ASPH: variants seen among roughly 807,000 people sequenced by gnomAD.
The protein encoded by ASPH is aspartyl/asparaginyl beta-hydroxylase.
Under a neutral mutation model 118.4 loss-of-function variants are expected in ASPH, and 100 were observed. The ratio of observed to expected loss-of-function variants is 0.84; its 90% CI spans 0.72 to 1.00. The LOEUF (loss-of-function observed/expected upper bound fraction) is 1.00, where lower values mean the gene tolerates loss of function less well. Ranked by LOEUF, ASPH falls within the 50% of genes least tolerant of loss-of-function variation. The pLI is 0.00. For missense variants in ASPH, 920 were observed against 919.5 expected, an observed-to-expected ratio of 1.00 and a Z score of -0.01; for synonymous variants, 315 against 325.6, an observed-to-expected ratio of 0.97 and a Z score of 0.35.
chr8:61,703,707 G>A (rs1304883698), intron 1 of ASPH, among the ~76,000 whole-genome samples: 1 of 152,078 alleles, frequency 6.6e-6, no homozygotes, highest in African/African-American at 2.4e-5. Context: ...GTTGGTCTAC[G>A]GAGTCAATGC....
chr8:61,708,373 T>C (rs1326087447), intron 1 of ASPH, among the ~76,000 whole-genome samples: 1 of 152,198 alleles, frequency 6.6e-6, no homozygotes, highest in Non-Finnish European at 1.5e-5. Flanking sequence ...AGATATTCTT[T>C]CAACAAATAT....
At chr8:61,507,552 G>A (rs990793194) in intron 24 of ASPH, among the ~76,000 whole-genome samples, 6 of 152,084 alleles carry the variant, frequency 3.9e-5, no homozygotes, top group African/African-American at 7.2e-5. Flanking sequence ...CTGTAGTCAC[G>A]ATTCACCTAA....
At chr8:61,577,185 G>T (rs1348226612) in intron 15 of ASPH, among the ~76,000 whole-genome samples, 1 of 151,864 alleles carries the variant, frequency 6.6e-6, no homozygotes, top group Non-Finnish European at 1.5e-5. Context: ...GTGGGGTGGG[G>T]GGATGGAGGA....
At chr8:61,685,113 G>A (rs1013504281) in intron 1 of ASPH, among the ~76,000 whole-genome samples, 1 of 152,196 alleles carries the variant, frequency 6.6e-6, no homozygotes, top group African/African-American at 2.4e-5. Flanking sequence ...GTGCTTTGCT[G>A]CCGGTGATCC....
intron 19 of ASPH, among the ~76,000 whole-genome samples, chr8:61,553,592 C>A (rs1322668222): frequency 1.0e-5 from 1 of 96,260 alleles, no homozygotes; most frequent in Non-Finnish European, 2.1e-5. Context: ...GTGTCCTTAC[C>A]TTTTAATGAT....
At chr8:61,571,605 G>A (rs1833499077) in intron 16 of ASPH, among the ~76,000 whole-genome samples, 1 of 151,966 alleles carries the variant, frequency 6.6e-6, no homozygotes, top group South Asian at 2.1e-4. Context: ...TCAATCTGTG[G>A]TTGGTTGAAT....
intron 12 of ASPH, among the ~76,000 whole-genome samples, chr8:61,634,906 T>C (rs927286745): frequency 6.6e-6 from 1 of 152,210 alleles, no homozygotes; most frequent in African/African-American, 2.4e-5. Context: ...CTAAATTTAT[T>C]ACAAAAAATA....
intron 14 of ASPH, among the ~76,000 whole-genome samples, chr8:61,584,632 C>CCTTCT (rs1838733064): frequency 1.3e-5 from 1 of 75,016 alleles, no homozygotes; most frequent in African/African-American, 3.1e-5. Flanking sequence ...TCTTTCTTTC[C>CCTTCT]TTCTTTCTTT....
chr8:61,663,273 C>T, intron 3 of ASPH: 8 of 985,324 alleles, frequency 8.1e-6, no homozygotes, highest in Non-Finnish European at 9.6e-6. Context: ...CATTCCAAAG[C>T]TTTGTGCACA....
intron 14 of ASPH, among the ~76,000 whole-genome samples, chr8:61,616,958 T>C (rs1849253519): frequency 3.3e-5 from 5 of 152,172 alleles, no homozygotes; most frequent in Admixed American, 3.3e-4. Context: ...GGCACACTAA[T>C]TTTAAGGGGA....
intron 1 of ASPH, among the ~76,000 whole-genome samples, chr8:61,703,809 T>C (rs1282565221): frequency 6.6e-6 from 1 of 152,136 alleles, no homozygotes; most frequent in African/African-American, 2.4e-5. Context: ...ATCTACACTA[T>C]TTAGAGCTAT....
At chr8:61,602,609 G>C (rs1844350544) in intron 14 of ASPH, among the ~76,000 whole-genome samples, 1 of 151,300 alleles carries the variant, frequency 6.6e-6, no homozygotes, top group East Asian at 1.9e-4. Context: ...CTGAATCTGG[G>C]AAATGTAAAC....
At chr8:61,644,249 T>C (rs551375363) in intron 7 of ASPH, among the ~76,000 whole-genome samples, 10 of 152,248 alleles carry the variant, frequency 6.6e-5, no homozygotes, top group Non-Finnish European at 1.2e-4. Flanking sequence ...TGCTGACAGA[T>C]GATGCGCCCA....
intron 22 of ASPH, among the ~76,000 whole-genome samples, chr8:61,522,969 C>T (rs79903050): frequency 0.019 from 2,844 of 152,186 alleles, 95 homozygotes; most frequent in African/African-American, 0.065. Flanking sequence ...ATGAATTTTG[C>T]GGGGTACACA....
At chr8:61,525,249 T>C (rs1814843955) in intron 22 of ASPH, among the ~76,000 whole-genome samples, 1 of 152,156 alleles carries the variant, frequency 6.6e-6, no homozygotes, top group African/African-American at 2.4e-5. Context: ...TATATAGTTA[T>C]TGTTAATCCA....
At chr8:61,689,838 C>T in intron 1 of ASPH, 1 of 1,389,872 alleles carries the variant, frequency 7.2e-7, no homozygotes, top group Non-Finnish European at 9.4e-7. Flanking sequence ...GTAAGGGCCT[C>T]TAGAACTGAA....
chr8:61,533,915 T>C (rs868790678), intron 21 of ASPH, among the ~76,000 whole-genome samples: 16 of 152,212 alleles, frequency 1.1e-4, no homozygotes, highest in Admixed American at 9.2e-4. Context: ...GGGGTGCTAT[T>C]AAATGCATGT....
At chr8:61,659,418 G>A (rs1815560195) in intron 3 of ASPH, 1 of 152,124 alleles carries the variant, frequency 6.6e-6, no homozygotes, top group African/African-American at 2.4e-5. Context: ...TGATACATAA[G>A]GCAAAGAAGA....
chr8:61,561,540 T>C (rs186978237), intron 18 of ASPH, among the ~76,000 whole-genome samples: 2 of 152,324 alleles, frequency 1.3e-5, no homozygotes, highest in East Asian at 3.9e-4. Flanking sequence ...TACACAATAA[T>C]AGCAATACAC....
Sources: gnomAD v4.1 joint callset for allele counts (sites outside exome capture counted in the v4.1 genomes callset) on GRCh38, gnomAD v4.1.1 for gene constraint, MANE v1.5 for transcripts, NCBI Gene and HGNC (gene_info 2026-07-23, HGNC 2026-07-21) for gene names.